TRAF3IP1: variants seen among roughly 807,000 people sequenced by gnomAD.
The protein encoded by TRAF3IP1 is intraflagellar transport 54, also known as TRAF3-interacting protein 1.
In TRAF3IP1, 53 loss-of-function variants were observed where a neutral mutation model predicts 89.9. The observed-to-expected ratio is 0.59, with a 90% CI of 0.47 to 0.74. The LOEUF is 0.74. Among genes scored for constraint, TRAF3IP1 ranks in the 30% least tolerant of loss-of-function variants. TRAF3IP1 has a pLI of 0.00. For synonymous variants in TRAF3IP1, 311 were observed against 322.1 expected, an observed-to-expected ratio of 0.97 and a Z score of 0.37; for missense variants, 806 against 866.1, an observed-to-expected ratio of 0.93 and a Z score of 0.87.
chr2:238,332,167 A>C (rs370900848), intron 5 of TRAF3IP1, among the ~76,000 whole-genome samples: 1 of 152,180 alleles, frequency 6.6e-6, no homozygotes, highest in East Asian at 1.9e-4. Flanking sequence ...AGGACATTGA[A>C]TTGTTGAAAT....
intron 8 of TRAF3IP1, among the ~76,000 whole-genome samples, chr2:238,341,705 C>T (rs544151307): frequency 1.8e-4 from 27 of 152,262 alleles, no homozygotes; most frequent in South Asian, 1.7e-3. Context: ...CCCTCCCAGC[C>T]GGGCACAGTG....
At chr2:238,347,574 A>G in intron 10 of TRAF3IP1, 99 bp downstream of exon 10, 2 of 1,196,868 alleles carry the variant, frequency 1.7e-6, no homozygotes, top group Non-Finnish European at 2.4e-6. Context: ...AAAGTGCATT[A>G]GTGAAAGTAA....
chr2:238,399,119 A>G lies in TRAF3IP1; in HGVS notation c.*200A>G, dbSNP rs1002302302. On this transcript the variant is annotated 3_prime_UTR_variant, in exon 17 of 17. Coordinates refer to ENST00000373327, the MANE Select transcript of TRAF3IP1 (RefSeq NM_015650.4). ...ACCATGTTTTCTTACCTCCTTCCAG[A>G]TGGAATACTGGCTAGTTATAAATAG... 1.7e-5 allele frequency: 9 copies of G among 516,626 alleles called. No homozygotes were observed. The highest frequency in any genetic ancestry group is 3.0e-5 in the Non-Finnish European group (9 of 302,686). 32.0% of individuals were successfully genotyped at this position (516,626 alleles called of 1,614,324 possible).
intron 15 of TRAF3IP1, among the ~76,000 whole-genome samples, chr2:238,385,249 C>A (rs985414458): frequency 4.7e-4 from 72 of 152,144 alleles, no homozygotes; most frequent in Non-Finnish European, 1.3e-4. Flanking sequence ...ATCTCCTGAC[C>A]TCGTGATCCG....
intron 1 of TRAF3IP1, among the ~76,000 whole-genome samples, chr2:238,324,424 AAAATGCC>A (rs540215024): frequency 8.3e-4 from 127 of 152,148 alleles, no homozygotes; most frequent in African/African-American, 3.0e-3. Flanking sequence ...GGACTCTTGT[AAAATGCC>A]GTTCCAGGTC....
chr2:238,394,651 T>C (rs1037682121), intron 15 of TRAF3IP1, among the ~76,000 whole-genome samples: 3 of 152,258 alleles, frequency 2.0e-5, no homozygotes, highest in Admixed American at 2.0e-4. Flanking sequence ...ACAACCTTGC[T>C]GAACTCACTT....
At chr2:238,356,992 A>G (rs923198667) in intron 15 of TRAF3IP1, among the ~76,000 whole-genome samples, 8 of 151,930 alleles carry the variant, frequency 5.3e-5, no homozygotes, top group Middle Eastern at 3.2e-3. Context: ...GTTAGCCAGG[A>G]TGGTCTCGAT....
At chr2:238,398,710 A>C in intron 16 of TRAF3IP1, 44 bp from the exon 17 acceptor site, 2 of 1,512,776 alleles carry the variant, frequency 1.3e-6, no homozygotes, top group East Asian at 4.7e-5. Flanking sequence ...CCAACACACA[A>C]TGAGATGAGA....
At chr2:238,374,297 T>C (rs1175102353) in intron 15 of TRAF3IP1, among the ~76,000 whole-genome samples, 4 of 152,236 alleles carry the variant, frequency 2.6e-5, no homozygotes, top group Non-Finnish European at 5.9e-5. Context: ...TATTTTGAGA[T>C]ACGTTCCATC....
At chr2:238,396,608 T>C (rs1287605354) in intron 15 of TRAF3IP1, among the ~76,000 whole-genome samples, 1 of 152,052 alleles carries the variant, frequency 6.6e-6, no homozygotes. Flanking sequence ...TTGATTCTTA[T>C]CAACTCACAT....
At chr2:238,344,233 A>G (rs1312402810) in intron 8 of TRAF3IP1, among the ~76,000 whole-genome samples, 1 of 152,120 alleles carries the variant, frequency 6.6e-6, no homozygotes, top group Non-Finnish European at 1.5e-5. Flanking sequence ...GGGCGGGGGC[A>G]GTCTGCTCCT....
At position 238,338,231 on chromosome 2, in the gene TRAF3IP1, T is replaced by C. The variant is rs565188446; in HGVS notation, c.1064-131T>C. 1.3e-5 allele frequency: 7 copies of C among 545,514 alleles called. No individual in the cohort carries two copies. The South Asian group carries it at 1.8e-4, about 14-fold the overall frequency. The allele number at this position is 545,514 out of a possible 1,614,324, so 33.8% of individuals were successfully genotyped here. On this transcript the variant is annotated intron_variant, in intron 7 of 16. Transcript: ENST00000373327. ...AGGGGAATCATGTGGAGGCTGAGAA[T>C]TGACCATTTAGTTGACAAGACAGTT...
At chr2:238,347,379 C>A in intron 9 of TRAF3IP1, 76 bp from the exon 10 acceptor site, 1 of 1,503,348 alleles carries the variant, frequency 6.7e-7, no homozygotes, top group Non-Finnish European at 9.2e-7. Flanking sequence ...TGTTTTTTCT[C>A]CAATTCTGTT....
In TRAF3IP1 at chr2:238,379,809, A is replaced by G. The variant is rs1700470353; in HGVS notation, c.1690-17650A>G. Among the ~76,000 whole-genome samples the G allele has an allele frequency of 6.6e-6, 1 of 152,244 alleles. No homozygotes were observed. Among genetic ancestry groups the G allele is most frequent in the African/African-American group, 2.4e-5 (1 of 41,470 alleles). The stretch of plus-strand genomic sequence containing the variant: ...AACACTGGAGCCAGAATGATAAGGA[A>G]ATACTGTAGCAATAGGCTCAATAGA... On this transcript the variant is annotated intron_variant, in intron 15 of 16. Coordinates refer to ENST00000373327, the MANE Select transcript of TRAF3IP1 (RefSeq NM_015650.4). The surrounding 1 kb of genome is among the most constrained non-coding windows in gnomAD (Gnocchi z 4.0).
At chr2:238,334,998 G>C (rs561896196) in intron 7 of TRAF3IP1, among the ~76,000 whole-genome samples, 28 of 152,346 alleles carry the variant, frequency 1.8e-4, no homozygotes, top group African/African-American at 6.3e-4. Context: ...TCGCGTGTGA[G>C]TGTTTTGGGC....
intron 15 of TRAF3IP1, among the ~76,000 whole-genome samples, chr2:238,373,014 T>C (rs1175535883): frequency 6.6e-6 from 1 of 152,146 alleles, no homozygotes; most frequent in Non-Finnish European, 1.5e-5. Context: ...TTAAGTTCTT[T>C]GTAGATTCTG....
At chr2:238,355,909 A>C in intron 14 of TRAF3IP1, 95 bp from the exon 15 acceptor site, 1 of 856,632 alleles carries the variant, frequency 1.2e-6, no homozygotes, top group Non-Finnish European at 1.9e-6. Context: ...AGATAGGATA[A>C]AAACTTAGTG....
chr2:238,367,373 A>G (rs751106841), intron 15 of TRAF3IP1, among the ~76,000 whole-genome samples: 17 of 152,058 alleles, frequency 1.1e-4, no homozygotes, highest in Non-Finnish European at 1.2e-4. Flanking sequence ...GAAGATGTGG[A>G]TCTCACTAGT....
intron 15 of TRAF3IP1, among the ~76,000 whole-genome samples, chr2:238,370,350 C>G (rs956649357): frequency 6.6e-6 from 1 of 151,860 alleles, no homozygotes; most frequent in Admixed American, 6.6e-5. Flanking sequence ...GTGTGCGTGT[C>G]TGAGTGTATA....
Sources: gnomAD v4.1 joint callset for allele counts (sites outside exome capture counted in the v4.1 genomes callset) on GRCh38, gnomAD v4.1.1 for gene constraint, Gnocchi (gnomAD v3.1) non-coding constraint, MANE v1.5 for transcripts, NCBI Gene and HGNC (gene_info 2026-07-23, HGNC 2026-07-21) for gene names.